The following CFAP47 variants were observed in gnomAD, a reference collection of about 807,000 sequenced individuals.
CFAP47 encodes cilia and flagella associated protein 47.
CFAP47 carries 29 observed loss-of-function variants against 148.1 expected under a neutral mutation model. That is an observed-to-expected ratio of 0.20 (90% confidence interval 0.15 to 0.27). The LOEUF (loss-of-function observed/expected upper bound fraction) is 0.27, where lower values mean the gene tolerates loss of function less well. Ranked by LOEUF, CFAP47 falls within the 10% of genes least tolerant of loss-of-function variation. The probability of loss-of-function intolerance (pLI) is 1.00; values close to 1 mark genes in which losing one functional copy is unlikely to be tolerated. For missense variants in CFAP47, 1,872 were observed against 1,697.5 expected (o/e 1.10, Z -1.81); for synonymous variants, 664 against 577.3 (o/e 1.15, Z -2.15).
intron 31 of CFAP47, among the ~76,000 whole-genome samples, chrX:36,099,294 T>C (rs1253498817): frequency 2.7e-5 from 3 of 110,874 alleles, no homozygotes; most frequent in African/African-American, 9.8e-5. Flanking sequence ...ATATATAGTT[T>C]ACTTTGTGGT....
intron 33 of CFAP47, among the ~76,000 whole-genome samples, chrX:36,135,797 G>T (rs1314278884): frequency 2.7e-5 from 3 of 111,676 alleles, no homozygotes; most frequent in Non-Finnish European, 5.7e-5. Flanking sequence ...GAATGCTAGT[G>T]TAAGTAATTT....
chrX:36,174,755 T>C (rs1939643944), intron 39 of CFAP47, among the ~76,000 whole-genome samples: 2 of 110,953 alleles, frequency 1.8e-5, no homozygotes, highest in Non-Finnish European at 3.8e-5. Context: ...ATTTCAACTT[T>C]GGTGAATCTG....
chrX:36,357,652 C>G, intron 60 of CFAP47, among the ~76,000 whole-genome samples: 1 of 111,610 alleles, frequency 9.0e-6, no homozygotes, highest in East Asian at 2.8e-4. Context: ...TATTATTATT[C>G]TTGGATTTTT....
intron 51 of CFAP47, among the ~76,000 whole-genome samples, chrX:36,287,808 A>G (rs1461675838): frequency 1.8e-5 from 2 of 111,992 alleles, no homozygotes; most frequent in African/African-American, 6.5e-5. Context: ...ACTTTCAGAC[A>G]TGAAGATTTA....
At position 36,306,831 on chromosome X, in the gene CFAP47, T is replaced by C. The variant is rs1325908364; in HGVS notation, c.8142T>C (p.Leu2714=). The change falls in exon 55 of 64, where the codon CTT becomes CTC. Residue 2714 remains leucine (L), a synonymous_variant. Coordinates refer to ENST00000378653, the MANE Select transcript of CFAP47 (RefSeq NM_001304548.2). ...CTGTTCTCTTTTATCCTTCTGCACT[T>C]GGAAGAGCTGATCATCAAGCTTGCA... ...ELPVLFYPSA[L]GRADHQACIN... is the part of the protein sequence containing the mutation. 18 of 1,156,207 alleles carry C rather than the reference T, an allele frequency of 1.6e-5. No homozygotes were observed. Among genetic ancestry groups the C allele is most frequent in the Non-Finnish European group, 2.1e-5 (18 of 865,456 alleles).
At chrX:36,338,833 A>G (rs1266250848) in intron 57 of CFAP47, among the ~76,000 whole-genome samples, 1 of 111,661 alleles carries the variant, frequency 9.0e-6, no homozygotes, top group Non-Finnish European at 1.9e-5. Flanking sequence ...AGGCTTCTCA[A>G]ATTTCTTTAG....
chrX:36,362,594 A>G (rs1941837989), intron 61 of CFAP47, among the ~76,000 whole-genome samples: 1 of 106,455 alleles, frequency 9.4e-6, no homozygotes, highest in Non-Finnish European at 1.9e-5. Context: ...ATGGCCACCT[A>G]GGTTGATTCC....
At chrX:36,315,018 A>G (rs1275315547) in intron 56 of CFAP47, among the ~76,000 whole-genome samples, 1 of 111,827 alleles carries the variant, frequency 8.9e-6, no homozygotes, top group Non-Finnish European at 1.9e-5. Context: ...AGCTCACAGT[A>G]TATACCTAGA....
intron 27 of CFAP47, among the ~76,000 whole-genome samples, chrX:36,066,746 T>G (rs1937645784): frequency 8.9e-6 from 1 of 111,930 alleles, no homozygotes; most frequent in Non-Finnish European, 1.9e-5. Context: ...GAAAGGAGAC[T>G]GTATTTTCCC....
At chrX:36,232,255 G>C (rs1455038931) in intron 46 of CFAP47, among the ~76,000 whole-genome samples, 1 of 111,476 alleles carries the variant, frequency 9.0e-6, no homozygotes, top group African/African-American at 3.3e-5. Context: ...GACTCTTTTT[G>C]GTTGGTAAGC....
chrX:36,079,926 A>T (rs1294051030), intron 29 of CFAP47, among the ~76,000 whole-genome samples: 1 of 111,872 alleles, frequency 8.9e-6, no homozygotes, highest in Non-Finnish European at 1.9e-5. Flanking sequence ...AAAATAGACA[A>T]ATGGGATCTA....
rs1555994504 is a variant in CFAP47 at position 36,235,979 on chromosome X, G to A, written c.7060G>A (p.Gly2354Arg). 1.9e-6 allele frequency: 1 copy of A among 514,417 alleles called. No homozygotes were observed. The highest frequency in any genetic ancestry group is 2.7e-5 in the South Asian group (1 of 36,826). 42.4% of individuals were successfully genotyped at this position (514,417 alleles called of 1,213,427 possible). Residue 2354 changes from glycine to arginine, a missense_variant, in exon 47 of 64, where the codon GGA becomes AGA. Transcript: ENST00000378653. ...DKWTFQVTIEGEWFYGPVDLH... is the reference protein window; with the variant it reads ...DKWTFQVTIEREWFYGPVDLH... ...ATGGACCTTTCAAGTTACTATAGAA[G>A]GAGAATGGTTTTATGGACCTGTTGA...
At chrX:35,972,530 G>A (rs1443851913) in intron 13 of CFAP47, among the ~76,000 whole-genome samples, 3 of 111,289 alleles carry the variant, frequency 2.7e-5, no homozygotes, top group South Asian at 3.7e-4. Context: ...ACCGCACCCC[G>A]CCCAGTTACT....
chrX:36,164,801 G>A (rs1201452727), intron 39 of CFAP47, among the ~76,000 whole-genome samples: 4 of 111,078 alleles, frequency 3.6e-5, no homozygotes, highest in Non-Finnish European at 7.6e-5. Flanking sequence ...TTGTTTTTTG[G>A]TAAAAACACT....
intron 1 of CFAP47, among the ~76,000 whole-genome samples, chrX:35,924,042 TGTATATGTACATGTATGC>T (rs1301871939): frequency 0.081 from 7,667 of 94,590 alleles, 529 homozygotes; most frequent in East Asian, 0.14. Flanking sequence ...CACATATATG[TGTATATGTACATGTATGC>T]GCACATATAT....
intron 45 of CFAP47, among the ~76,000 whole-genome samples, chrX:36,225,905 A>G (rs1277233655): frequency 1.8e-5 from 2 of 111,190 alleles, no homozygotes; most frequent in Non-Finnish European, 3.8e-5. Flanking sequence ...ATCCCAAAGC[A>G]TAGGTAGGGG....
intron 27 of CFAP47, among the ~76,000 whole-genome samples, chrX:36,066,955 G>T: frequency 8.9e-6 from 1 of 112,098 alleles, no homozygotes; most frequent in East Asian, 2.8e-4. Context: ...TAAGGAAGAA[G>T]AATTTATCCA....
intron 62 of CFAP47, among the ~76,000 whole-genome samples, chrX:36,371,427 C>T (rs1438019451): frequency 9.3e-6 from 1 of 107,687 alleles, no homozygotes; most frequent in African/African-American, 3.4e-5. Flanking sequence ...TAGAAATTAT[C>T]TTGTTATAAA....
intron 39 of CFAP47, among the ~76,000 whole-genome samples, chrX:36,177,806 T>C (rs1201841555): frequency 8.9e-6 from 1 of 112,095 alleles, no homozygotes; most frequent in Non-Finnish European, 1.9e-5. Context: ...AGAGTTACCA[T>C]TTGATCCAGC....
Sources: gnomAD v4.1 joint callset for allele counts (sites outside exome capture counted in the v4.1 genomes callset) on GRCh38, gnomAD v4.1.1 for gene constraint, MANE v1.5 for transcripts, NCBI Gene and HGNC (gene_info 2026-07-23, HGNC 2026-07-21) for gene names.